The following SIL1 variants were observed in gnomAD, a reference collection of about 807,000 sequenced individuals.
SIL1 encodes the protein SIL1 nucleotide exchange factor.
In SIL1, 40 loss-of-function variants were observed where a neutral mutation model predicts 49.1. The ratio of observed to expected loss-of-function variants is 0.81; its 90% CI spans 0.63 to 1.06. The LOEUF is 1.06. Among genes scored for constraint, SIL1 ranks in the 50% least tolerant of loss-of-function variants. SIL1 has a pLI of 0.00. For missense variants in SIL1, 500 were observed against 572.6 expected, an observed-to-expected ratio of 0.87 and a Z score of 1.29; for synonymous variants, 253 against 250.8, an observed-to-expected ratio of 1.01 and a Z score of -0.08.
intron 1 of SIL1, among the ~76,000 whole-genome samples, chr5:139,140,393 C>T (rs1751057285): frequency 6.6e-6 from 1 of 152,080 alleles, no homozygotes; most frequent in African/African-American, 2.4e-5. Flanking sequence ...CACTTAGCAA[C>T]AATACGAGGA....
At chr5:139,023,233 C>T (rs184615162) in intron 6 of SIL1, among the ~76,000 whole-genome samples, 5 of 152,178 alleles carry the variant, frequency 3.3e-5, no homozygotes, top group African/African-American at 9.6e-5. Flanking sequence ...TGGGCCCCCC[C>T]CTGGTGACAT....
chr5:139,041,632 C>A (rs1368830533), intron 5 of SIL1, among the ~76,000 whole-genome samples: 1 of 151,846 alleles, frequency 6.6e-6, no homozygotes, highest in African/African-American at 2.4e-5. Flanking sequence ...GGTGAAACCC[C>A]ATCTCTACTG....
intron 1 of SIL1, among the ~76,000 whole-genome samples, chr5:139,143,304 T>C (rs1227924519): frequency 7.5e-4 from 55 of 73,016 alleles, no homozygotes; most frequent in African/African-American, 3.6e-3. Context: ...TATATACATA[T>C]ATACACACAC....
intron 3 of SIL1, among the ~76,000 whole-genome samples, chr5:139,108,872 G>C (rs1033492442): frequency 1.8e-4 from 28 of 151,520 alleles, no homozygotes; most frequent in African/African-American, 5.8e-4. Context: ...GAGGGGAAAA[G>C]GGAAAAGAAC....
chr5:139,144,917 C>T (rs1037498547), intron 1 of SIL1, among the ~76,000 whole-genome samples: 2 of 151,924 alleles, frequency 1.3e-5, no homozygotes, highest in African/African-American at 2.4e-5. Context: ...AAAACATGGG[C>T]AAAACCTTCA....
intron 7 of SIL1, among the ~76,000 whole-genome samples, chr5:139,001,778 G>A (rs1403083406): frequency 3.3e-5 from 5 of 151,926 alleles, no homozygotes; most frequent in Admixed American, 2.0e-4. Context: ...GGTGGCGGGC[G>A]CCTATAGTCC....
intron 1 of SIL1, among the ~76,000 whole-genome samples, chr5:139,195,040 C>A (rs1752239648): frequency 6.6e-6 from 1 of 150,946 alleles, no homozygotes; most frequent in Admixed American, 6.6e-5. Flanking sequence ...TCAAGTGATT[C>A]TCCTGCCTCA....
chr5:139,146,114 G>A (rs780113786), intron 1 of SIL1, among the ~76,000 whole-genome samples: 3 of 152,078 alleles, frequency 2.0e-5, no homozygotes, highest in Admixed American at 6.5e-5. Flanking sequence ...AAAGTGCTGC[G>A]ATTACAGCCA....
At chr5:138,953,431 T>C (rs538094406) in intron 7 of SIL1, 1 of 152,372 alleles carries the variant, frequency 6.6e-6, no homozygotes, top group East Asian at 1.9e-4. Context: ...AGCTTCAAGG[T>C]CCAGAGCAGA....
intron 1 of SIL1, among the ~76,000 whole-genome samples, chr5:139,190,500 T>A (rs1752148459): frequency 6.6e-6 from 1 of 152,200 alleles, no homozygotes; most frequent in Non-Finnish European, 1.5e-5. Flanking sequence ...GCATCCTGCA[T>A]CTTTACAATG....
chr5:138,964,546 C>G (rs1321061248), intron 7 of SIL1, among the ~76,000 whole-genome samples: 1 of 152,210 alleles, frequency 6.6e-6, no homozygotes, highest in Non-Finnish European at 1.5e-5. Flanking sequence ...AATCACCTTC[C>G]ACAGACTCTT....
intron 1 of SIL1, among the ~76,000 whole-genome samples, chr5:139,196,094 G>A (rs575226616): frequency 2.8e-4 from 42 of 152,280 alleles, no homozygotes; most frequent in Non-Finnish European, 1.5e-4. Flanking sequence ...GGAGGCTTTA[G>A]TGAGAGTATT....
At chr5:139,123,448 T>C (rs975227728) in intron 2 of SIL1, among the ~76,000 whole-genome samples, 1 of 152,166 alleles carries the variant, frequency 6.6e-6, no homozygotes, top group African/African-American at 2.4e-5. Flanking sequence ...CCCCTTCCCA[T>C]AGGCAGGTGT....
At chr5:139,102,465 A>G (rs1362453119) in intron 3 of SIL1, among the ~76,000 whole-genome samples, 1 of 149,106 alleles carries the variant, frequency 6.7e-6, no homozygotes, top group Admixed American at 6.7e-5. Context: ...CTTTGAAAAC[A>G]TATTACTTTG....
chr5:139,054,288 A>G lies in SIL1; in HGVS notation c.245-3242T>C, dbSNP rs115831672. ...TAGCCAGGCACAATGGCATGCTCCTATAGTCCTAGCCACTTGAAGTCTGAG... is the reference window on the plus strand; with the variant it reads ...TAGCCAGGCACAATGGCATGCTCCTGTAGTCCTAGCCACTTGAAGTCTGAG... On this transcript the variant is annotated intron_variant, in intron 3 of 9. Coordinates refer to ENST00000394817, the MANE Select transcript of SIL1 (RefSeq NM_022464.5). Among the ~76,000 whole-genome samples the G allele has an allele frequency of 4.6e-3, 704 of 152,260 alleles. 5 individuals carry two copies. Among genetic ancestry groups the G allele is most frequent in the Non-Finnish European group, 8.2e-3 (561 of 68,018 alleles).
chr5:139,166,287 T>C (rs1751623146), intron 1 of SIL1, among the ~76,000 whole-genome samples: 1 of 152,202 alleles, frequency 6.6e-6, no homozygotes, highest in African/African-American at 2.4e-5. Flanking sequence ...AAGATGACAA[T>C]GGAGCTGAAA....
chr5:139,045,412 C>T (rs1190374485), intron 4 of SIL1, among the ~76,000 whole-genome samples: 1 of 152,140 alleles, frequency 6.6e-6, no homozygotes, highest in Non-Finnish European at 1.5e-5. Context: ...CATGGCTCTT[C>T]CTCTTCCTTA....
chr5:138,974,483 T>G (rs1767351829), intron 7 of SIL1, among the ~76,000 whole-genome samples: 2 of 152,208 alleles, frequency 1.3e-5, no homozygotes, highest in South Asian at 2.1e-4. Flanking sequence ...CTTGTACTGT[T>G]GAATAATTGA....
intron 1 of SIL1, among the ~76,000 whole-genome samples, chr5:139,180,162 G>A (rs993949049): frequency 5.3e-5 from 8 of 150,692 alleles, no homozygotes; most frequent in African/African-American, 1.7e-4. Context: ...CCAGGCGTTC[G>A]AGACCCAGGA....
Sources: allele counts gnomAD v4.1 joint callset (sites outside exome capture counted in the v4.1 genomes callset), GRCh38; gene constraint gnomAD v4.1.1; transcripts MANE v1.5; gene names NCBI Gene and HGNC (gene_info 2026-07-23, HGNC 2026-07-21).